The following ATP6V0A4 variants were observed in gnomAD, a reference collection of about 807,000 sequenced individuals.
The protein encoded by ATP6V0A4 is ATPase H+ transporting V0 subunit a4.
Under a neutral mutation model 107.3 loss-of-function variants are expected in ATP6V0A4, and 86 were observed. The ratio of observed to expected loss-of-function variants is 0.80; its 90% CI spans 0.67 to 0.96. The LOEUF is 0.96. Ranked by LOEUF, ATP6V0A4 falls within the 40% of genes least tolerant of loss-of-function variation. The pLI, the probability that ATP6V0A4 is intolerant of heterozygous loss-of-function variation, is 0.00. For missense variants in ATP6V0A4, 908 were observed against 1,045.6 expected, an observed-to-expected ratio of 0.87 and a Z score of 1.81; for synonymous variants, 353 against 381.4, an observed-to-expected ratio of 0.93 and a Z score of 0.87.
intron 2 of ATP6V0A4, among the ~76,000 whole-genome samples, chr7:138,774,435 G>A (rs1254532861): frequency 4.0e-5 from 6 of 151,712 alleles, no homozygotes; most frequent in East Asian, 1.9e-4. Context: ...GAAAAAATGA[G>A]CAGAGTGTGG....
chr7:138,712,698 T>G (rs1803805893), intron 20 of ATP6V0A4, among the ~76,000 whole-genome samples: 1 of 151,778 alleles, frequency 6.6e-6, no homozygotes, highest in South Asian at 2.1e-4. Context: ...AGTGGGTGAA[T>G]CAGGGCAGGC....
At chr7:138,762,210 C>A (rs1168364770) in intron 7 of ATP6V0A4, 130 bp downstream of exon 7, 1 of 1,226,004 alleles carries the variant, frequency 8.2e-7, no homozygotes, top group African/African-American at 1.5e-5. Context: ...GGGTCTATCG[C>A]TTGGCAGAGG....
At position 138,774,236 on chromosome 7, in the gene ATP6V0A4, A is replaced by G. The variant is rs75762874; in HGVS notation, c.-17-2972T>C. Reference sequence around the variant, plus strand: ...TTCCTGGAGGCCTTAGAAGGACCCCAGTAAACCAAAACATCCCTTGAACTT... The same window carrying G: ...TTCCTGGAGGCCTTAGAAGGACCCCGGTAAACCAAAACATCCCTTGAACTT... On this transcript the variant is annotated intron_variant, in intron 2 of 21. Transcript: ENST00000310018. Among the ~76,000 whole-genome samples, 488 of 152,346 alleles carry G rather than the reference A, an allele frequency of 3.2e-3. 4 individuals carry two copies. The highest frequency in any genetic ancestry group is 0.011 in the African/African-American group (462 of 41,574).
At position 138,731,948 on chromosome 7, in the gene ATP6V0A4, T is replaced by C. The variant is rs557057259; in HGVS notation, c.1908+929A>G. On this transcript the variant is annotated intron_variant, in intron 17 of 21. Coordinates refer to ENST00000310018, the MANE Select transcript of ATP6V0A4 (RefSeq NM_020632.3). Reference sequence around the variant, plus strand: ...AATAAATAAATAAATAAATAAAATATTAAGTTGATAATGAGGCTAAAAGAA... The same window carrying C: ...AATAAATAAATAAATAAATAAAATACTAAGTTGATAATGAGGCTAAAAGAA... Among the ~76,000 whole-genome samples the C allele has an allele frequency of 7.6e-5, 11 of 144,694 alleles. No homozygotes were observed. In the South Asian group the frequency reaches 2.4e-3, roughly 31 times the overall value. 94.9% of individuals were successfully genotyped at this position (144,694 alleles called of 152,430 possible).
chr7:138,748,882 C>T (rs893627118), intron 12 of ATP6V0A4, among the ~76,000 whole-genome samples: 18 of 152,146 alleles, frequency 1.2e-4, no homozygotes, highest in Admixed American at 9.2e-4. Flanking sequence ...ACTTCGGCTG[C>T]CTGATGAGGT....
In ATP6V0A4 at chr7:138,770,776, T is replaced by A. The variant is rs188574736; in HGVS notation, c.117+355A>T. Among the ~76,000 whole-genome samples the A allele has an allele frequency of 1.2e-4, 18 of 152,322 alleles. No individual in the cohort carries two copies. The East Asian group carries it at 3.3e-3, about 28-fold the overall frequency. On this transcript the variant is annotated intron_variant, in intron 3 of 21. Coordinates refer to ENST00000310018, the MANE Select transcript of ATP6V0A4 (RefSeq NM_020632.3). ...CTGTCTAGTCAGGAAAAATAGTTTT[T>A]ATGGTCAGAATAAGGTTTGGTAATC...
chr7:138,745,262 G>A lies in ATP6V0A4; in HGVS notation c.1339C>T (p.His447Tyr), dbSNP rs764141423. The change falls in exon 14 of 22, where the codon CAC (histidine) becomes TAC (tyrosine). Residue 447 changes from histidine (H) to tyrosine (Y), a missense_variant. Transcript: ENST00000310018. The stretch of plus-strand genomic sequence containing the variant: ...ATAAGTAGGATCAGATAGCGCCCGT[G>A]GAAGAAGGTGTTCCAAATCTGGCCT... ...TDNEIWNTFF[H>Y]GRYLILLMGI... 3.7e-6 allele frequency: 6 copies of A among 1,613,966 alleles called. No individual in the cohort carries two copies. The Admixed American group carries it at 1.0e-4, about 27-fold the overall frequency.
chr7:138,762,947 G>C lies in ATP6V0A4; in HGVS notation c.370C>G (p.Leu124Val), dbSNP rs1411998513. Reference protein sequence around the residue: ...QQALKQSFLELTELKYLLKKT... With the variant: ...QQALKQSFLEVTELKYLLKKT... ...TTCAGGAGGTATTTCAGTTCTGTCA[G>C]TTCTAGGAAGCTTTGTTTCAAGGCC... is the stretch of plus-strand genomic sequence containing the variant. Residue 124 changes from leucine to valine, a missense_variant, in exon 6 of 22, where the codon CTG becomes GTG. Leu to Val is a conservative substitution (Grantham distance 32). Transcript: ENST00000310018. 4 of 1,614,004 alleles carry C rather than the reference G, an allele frequency of 2.5e-6. No individual in the cohort carries two copies. The African/African-American group carries it at 5.3e-5, about 22-fold the overall frequency.
chr7:138,725,331 T>C (rs1804652044), intron 18 of ATP6V0A4, among the ~76,000 whole-genome samples: 2 of 152,182 alleles, frequency 1.3e-5, no homozygotes, highest in Admixed American at 6.5e-5. Context: ...AGGATGTTTA[T>C]AGTATCACCA....
intron 18 of ATP6V0A4, among the ~76,000 whole-genome samples, chr7:138,723,166 T>A (rs574463647): frequency 6.6e-6 from 1 of 152,296 alleles, no homozygotes; most frequent in East Asian, 1.9e-4. Context: ...TGCATGTGCT[T>A]TTTCTCCACA....
chr7:138,794,401 A>G (rs915151689), intron 1 of ATP6V0A4, among the ~76,000 whole-genome samples: 6 of 152,216 alleles, frequency 3.9e-5, no homozygotes, highest in African/African-American at 1.4e-4. Context: ...TTAACATGAA[A>G]TATTCTTCCC....
In ATP6V0A4 at chr7:138,727,676, G is replaced by C. The variant is rs181469306; in HGVS notation, c.2010+1085C>G. 2.5e-3 allele frequency among the ~76,000 whole-genome samples: 381 copies of C among 152,280 alleles called. 3 individuals are homozygous for C. The highest frequency in any genetic ancestry group is 3.4e-3 in the Non-Finnish European group (228 of 68,018). ...ATCCAACAAAGATCTCAGAAAAATA[G>C]AATTTAATCTGAACATATCTACAAC... On this transcript the variant is annotated intron_variant, in intron 18 of 21. Coordinates refer to ENST00000310018, the MANE Select transcript of ATP6V0A4 (RefSeq NM_020632.3).
At chr7:138,764,213 C>T (rs906364835) in intron 5 of ATP6V0A4, among the ~76,000 whole-genome samples, 2 of 151,286 alleles carry the variant, frequency 1.3e-5, no homozygotes, top group African/African-American at 2.4e-5. Flanking sequence ...ATGATGATCT[C>T]GAAGGGAAGA....
chr7:138,734,684 A>G (rs1172866741), intron 15 of ATP6V0A4, among the ~76,000 whole-genome samples: 1 of 150,646 alleles, frequency 6.6e-6, no homozygotes, highest in Non-Finnish European at 1.5e-5. Flanking sequence ...AGGCTGAGGC[A>G]GGAGAACCGC....
At chr7:138,791,062 A>C (rs1808388752) in intron 1 of ATP6V0A4, among the ~76,000 whole-genome samples, 1 of 152,190 alleles carries the variant, frequency 6.6e-6, no homozygotes, top group South Asian at 2.1e-4. Flanking sequence ...GCGAAGACTG[A>C]GGTTATCAGA....
chr7:138,733,502 A>C (rs1344380), intron 16 of ATP6V0A4, among the ~76,000 whole-genome samples: 107,077 of 150,506 alleles, frequency 0.71, 38,301 homozygotes, highest in East Asian at 0.81. Context: ...GGGGTCTGCA[A>C]AGTGTGGCCC....
At chr7:138,748,037 T>C (rs1584922691) in intron 12 of ATP6V0A4, among the ~76,000 whole-genome samples, 1 of 152,094 alleles carries the variant, frequency 6.6e-6, no homozygotes, top group Non-Finnish European at 1.5e-5. Context: ...ATTATGGGCA[T>C]GAGCCACTGT....
At chr7:138,754,405 G>A (rs1232162671) in intron 10 of ATP6V0A4, among the ~76,000 whole-genome samples, 2 of 142,332 alleles carry the variant, frequency 1.4e-5, no homozygotes, top group Non-Finnish European at 3.0e-5. Flanking sequence ...CCGAGATTGC[G>A]CCACTGCACT....
rs1554399506 is a variant in ATP6V0A4, at chr7:138,763,975, A to AT, written c.292-951_292-950insA. Among the ~76,000 whole-genome samples the AT allele has an allele frequency of 3.1e-3, 448 of 143,618 alleles. 3 individuals are homozygous for AT. The highest frequency in any genetic ancestry group is 7.6e-3 in the South Asian group (35 of 4,600). 94.2% of individuals were successfully genotyped at this position (143,618 alleles called of 152,430 possible). On this transcript the variant is annotated intron_variant, in intron 5 of 21. Transcript: ENST00000310018. ...TTTTCAGACTCTGTCTCAAAAAAAA[A>AT]ATATATATATATATATATGTATATA...
Sources: allele counts gnomAD v4.1 joint callset (sites outside exome capture counted in the v4.1 genomes callset), GRCh38; gene constraint gnomAD v4.1.1; transcripts MANE v1.5; gene names NCBI Gene and HGNC (gene_info 2026-07-23, HGNC 2026-07-21).